The following MMP24 variants were observed in gnomAD, a reference collection of about 807,000 sequenced individuals.
MMP24 encodes matrix metalloproteinase-24.
MMP24 carries 25 observed loss-of-function variants against 62.8 expected under a neutral mutation model. The ratio of observed to expected loss-of-function variants is 0.40; its 90% CI spans 0.29 to 0.56. The LOEUF (loss-of-function observed/expected upper bound fraction) is 0.56, where lower values mean the gene tolerates loss of function less well. MMP24 is among the 20% of genes least tolerant of loss of function. The pLI is 0.50. For synonymous variants in MMP24, 319 were observed against 350.5 expected (o/e 0.91, Z 1.00); for missense variants, 634 against 853.6 (o/e 0.74, Z 3.21).
In MMP24 at chr20:35,254,737, G is replaced by A. The variant is rs1172161704; in HGVS notation, c.800G>A (p.Gly267Glu). ...GACTCCGATGAGCCATGGACGCTAG[G>A]AAATGCCAACCATGACGGTAAGGCC... Reference protein sequence around the residue: ...HFDSDEPWTLGNANHDGNDLF... With the variant: ...HFDSDEPWTLENANHDGNDLF... Residue 267 changes from glycine to glutamate, a missense_variant, in exon 4 of 9, where the codon GGA (glycine) becomes GAA (glutamate). Physicochemically the swap from Gly to Glu is moderately conservative, Grantham distance 98. Coordinates refer to ENST00000246186, the MANE Select transcript of MMP24 (RefSeq NM_006690.4). 2 of 1,612,856 alleles carry A rather than the reference G, an allele frequency of 1.2e-6. No individual in the cohort carries two copies. The highest frequency in any genetic ancestry group is 2.7e-5 in the African/African-American group (2 of 75,000).
chr20:35,241,684 G>A (rs774318823), intron 1 of MMP24, among the ~76,000 whole-genome samples: 13 of 152,186 alleles, frequency 8.5e-5, no homozygotes, highest in South Asian at 2.1e-4. Flanking sequence ...AACGAGCTGC[G>A]TAAACCAGGT....
At chr20:35,268,952 G>T (rs1038635764) in intron 6 of MMP24, among the ~76,000 whole-genome samples, 3 of 151,536 alleles carry the variant, frequency 2.0e-5, no homozygotes, top group Admixed American at 1.3e-4. Context: ...GCATGAACCT[G>T]GGAGGCGGAG....
In MMP24 at chr20:35,246,982, C is replaced by T. The variant is rs199855518; in HGVS notation, c.389C>T (p.Thr130Met). Residue 130 changes from threonine to methionine, a missense_variant, in exon 2 of 9, where the codon ACG becomes ATG. Transcript: ENST00000246186. The part of the protein sequence containing the change: ...IPVTGVLDQT[T>M]IEWMKKPRCG... ...GTCACCGGTGTGTTGGATCAGACAA[C>T]GATCGAGTAAGATTTCCATAGGACA... 8.3e-4 allele frequency: 1,340 copies of T among 1,614,030 alleles called. 5 individuals are homozygous for T. Among genetic ancestry groups the T allele is most frequent in the Admixed American group, 1.9e-3 (112 of 60,020 alleles).
chr20:35,241,962 C>A (rs1188413245), intron 1 of MMP24, among the ~76,000 whole-genome samples: 2 of 152,130 alleles, frequency 1.3e-5, no homozygotes, highest in Non-Finnish European at 2.9e-5. Flanking sequence ...CAGTAGAGTC[C>A]GTTGGCAGAT....
chr20:35,249,779 C>T (rs1212846774), intron 2 of MMP24, among the ~76,000 whole-genome samples: 1 of 149,618 alleles, frequency 6.7e-6, no homozygotes, highest in Non-Finnish European at 1.5e-5. Context: ...TTTTTTAGTA[C>T]AGACGGGGTT....
intron 3 of MMP24, among the ~76,000 whole-genome samples, chr20:35,254,026 G>A (rs1431019496): frequency 2.0e-5 from 3 of 151,928 alleles, no homozygotes; most frequent in Non-Finnish European, 4.4e-5. Flanking sequence ...ACACCACCAC[G>A]CCTGGCTAAT....
intron 4 of MMP24, among the ~76,000 whole-genome samples, chr20:35,261,841 C>T (rs144888216): frequency 0.026 from 3,693 of 141,128 alleles, 99 homozygotes; most frequent in African/African-American, 0.067. Context: ...CACTCTGTTG[C>T]CCAAGCTGGA....
In MMP24 at chr20:35,271,471, G is replaced by T; in HGVS notation, c.1334-98G>T. ...CTTCCCAACTCTAACTGGGCCAAGG[G>T]GCTGAGGGCATCAGACTGTTTTCAC... is the stretch of plus-strand genomic sequence containing the variant. On this transcript the variant is annotated intron_variant, in intron 7 of 8. Transcript: ENST00000246186. This position sits in a 1 kb window ranked among gnomAD's most constrained non-coding sequence, Gnocchi z 4.0. The T allele has an allele frequency of 1.4e-6, 2 of 1,449,102 alleles. No individual in the cohort carries two copies. Among genetic ancestry groups the T allele is most frequent in the Non-Finnish European group, 1.9e-6 (2 of 1,074,984 alleles). The allele number at this position is 1,449,102 out of a possible 1,614,324, so 89.8% of individuals were successfully genotyped here. A position where few individuals can be genotyped will look rare whatever the true frequency, so the allele number is the denominator to read the frequency against.
chr20:35,235,466 T>C (rs2060458304), intron 1 of MMP24, among the ~76,000 whole-genome samples: 2 of 152,046 alleles, frequency 1.3e-5, no homozygotes, highest in African/African-American at 4.8e-5. Context: ...GAGGCTGAGG[T>C]GGGTGGATCA....
intron 2 of MMP24, among the ~76,000 whole-genome samples, chr20:35,250,588 G>A (rs924817671): frequency 7.9e-5 from 12 of 151,618 alleles, no homozygotes; most frequent in Non-Finnish European, 1.8e-4. Flanking sequence ...AAGAAAGAAA[G>A]AGAAATACCT....
chr20:35,230,970 T>C (rs1294640633), intron 1 of MMP24, among the ~76,000 whole-genome samples: 2 of 152,170 alleles, frequency 1.3e-5, no homozygotes, highest in African/African-American at 2.4e-5. Context: ...CCCGACCCCT[T>C]GAAGCTCAAC....
chr20:35,269,973 G>A lies in MMP24; in HGVS notation c.1333+75G>A, dbSNP rs2060659613. ...CTCCTTTTTCCCATCTAAACTGGAA[G>A]AGGCGGGGTGGGAGGCAGATGTCCT... On this transcript the variant is annotated intron_variant, in intron 7 of 8. Transcript: ENST00000246186. The surrounding 1 kb of genome is among the most constrained non-coding windows in gnomAD (Gnocchi z 4.6). The A allele has an allele frequency of 6.6e-7, 1 of 1,524,120 alleles. No individual in the cohort carries two copies. The highest frequency in any genetic ancestry group is 1.7e-4 in the Middle Eastern group (1 of 5,840). 94.4% of individuals were successfully genotyped at this position (1,524,120 alleles called of 1,614,324 possible).
chr20:35,273,220 C>CT (rs397810270), intron 8 of MMP24, among the ~76,000 whole-genome samples: 10 of 114 alleles, frequency 0.088, no homozygotes, highest in Non-Finnish European at 0.19. Flanking sequence ...TAGTGAGATT[C>CT]ATCTCTACAA....
rs921459858 is a variant in MMP24, at chr20:35,276,006, T to G, written c.*1397T>G. The G allele has an allele frequency of 2.0e-5, 8 of 398,464 alleles. No individual in the cohort carries two copies. Among genetic ancestry groups the G allele is most frequent in the Non-Finnish European group, 3.1e-5 (7 of 226,090 alleles). The allele number at this position is 398,464 out of a possible 1,614,324, so 24.7% of individuals were successfully genotyped here. A position where few individuals can be genotyped will look rare whatever the true frequency, so the allele number is the denominator to read the frequency against. Reference sequence around the variant, plus strand: ...GGAGCCCTAGACAAGGCCAATGGGTTCATCAATGCCCACTGGCTCTCTGCC... The same window carrying G: ...GGAGCCCTAGACAAGGCCAATGGGTGCATCAATGCCCACTGGCTCTCTGCC... On this transcript the variant is annotated 3_prime_UTR_variant, in exon 9 of 9. Transcript: ENST00000246186.
At chr20:35,253,613 C>G (rs191041749) in intron 3 of MMP24, among the ~76,000 whole-genome samples, 1 of 151,990 alleles carries the variant, frequency 6.6e-6, no homozygotes, top group Admixed American at 6.6e-5. Context: ...CAGGTAGTAA[C>G]GTTGTTTTGT....
intron 1 of MMP24, among the ~76,000 whole-genome samples, chr20:35,231,667 C>T (rs769783659): frequency 6.6e-6 from 1 of 152,122 alleles, no homozygotes; most frequent in Non-Finnish European, 1.5e-5. Flanking sequence ...ATAAGGAAGA[C>T]ATTGTCCTCA....
At chr20:35,254,415 T>C (rs2060564258) in intron 3 of MMP24, 35 bp from the exon 4 acceptor site, 2 of 1,567,124 alleles carry the variant, frequency 1.3e-6, no homozygotes, top group Non-Finnish European at 1.7e-6. Context: ...TCTGACTCTC[T>C]GATCTTGCCT....
Position 35,271,536 on chromosome 20 carries a change from G to A in MMP24, c.1334-33G>A. On this transcript the variant is annotated intron_variant, in intron 7 of 8. Transcript: ENST00000246186. This position sits in a 1 kb window ranked among gnomAD's most constrained non-coding sequence, Gnocchi z 4.0. Reference sequence around the variant, plus strand: ...ATGGGCAAACGGCACTGAGTGACTGGGGAAGCTGATCCTGGGCTCCTCTTG... The same window carrying A: ...ATGGGCAAACGGCACTGAGTGACTGAGGAAGCTGATCCTGGGCTCCTCTTG... 2 of 1,600,158 alleles carry A rather than the reference G, an allele frequency of 1.2e-6. No homozygotes were observed. The highest frequency in any genetic ancestry group is 1.7e-6 in the Non-Finnish European group (2 of 1,171,776).
chr20:35,246,796 C>G, intron 1 of MMP24, 44 bp from the exon 2 acceptor site: 1 of 1,607,582 alleles, frequency 6.2e-7, no homozygotes, highest in Admixed American at 1.7e-5. Flanking sequence ...TAGAACAGAG[C>G]CTTTCCCAGC....
Sources: allele counts gnomAD v4.1 joint callset (sites outside exome capture counted in the v4.1 genomes callset), GRCh38; gene constraint gnomAD v4.1.1; non-coding constraint Gnocchi (gnomAD v3.1); transcripts MANE v1.5; gene names NCBI Gene and HGNC (gene_info 2026-07-23, HGNC 2026-07-21).